The following ZNF419 variants were observed in gnomAD, a reference collection of about 807,000 sequenced individuals.
The protein encoded by ZNF419 is zinc finger protein 419, also known as zinc finger protein 419A.
In ZNF419, 8 loss-of-function variants were observed where a neutral mutation model predicts 14.9. That is an observed-to-expected ratio of 0.54 (90% CI 0.32 to 0.97). The LOEUF (loss-of-function observed/expected upper bound fraction) is 0.97, where lower values mean the gene tolerates loss of function less well. Among genes scored for constraint, ZNF419 ranks in the 50% least tolerant of loss-of-function variants. The pLI is 0.04. For missense variants in ZNF419, 595 were observed against 607.2 expected, an observed-to-expected ratio of 0.98 and a Z score of 0.21; for synonymous variants, 211 against 205.3, an observed-to-expected ratio of 1.03 and a Z score of -0.24.
In ZNF419 at chr19:57,493,651, A is replaced by T; in HGVS notation, c.1094A>T (p.His365Leu). The change falls in exon 5 of 5, where the codon CAT (histidine) becomes CTT (leucine). Residue 365 changes from histidine (H) to leucine (L), a missense_variant. Transcript: ENST00000221735. ...AACCTTATCAAACATTGGCGTGTTCATACTGGAGAAAGGCCTTACAAGTGC... is the reference window on the plus strand; with the variant it reads ...AACCTTATCAAACATTGGCGTGTTCTTACTGGAGAAAGGCCTTACAAGTGC... ...KSNLIKHWRV[H>L]TGERPYKCSD... The T allele has an allele frequency of 6.2e-7, 1 of 1,614,150 alleles. No homozygotes were observed.
At chr19:57,489,524 T>C (rs1283570956) in intron 1 of ZNF419, 3 of 151,362 alleles carry the variant, frequency 2.0e-5, no homozygotes, top group Non-Finnish European at 4.4e-5. Context: ...AGTTTCGCTT[T>C]TGTTGCCCAG....
chr19:57,491,298 T>C (rs2089474588), intron 2 of ZNF419, 173 bp from the exon 3 acceptor site: 3 of 933,078 alleles, frequency 3.2e-6, no homozygotes, highest in African/African-American at 1.6e-5. Flanking sequence ...TACCTGCCTA[T>C]TGTTGCTCAG....
At chr19:57,490,316 C>T in intron 2 of ZNF419, 131 bp downstream of exon 2, 1 of 748,214 alleles carries the variant, frequency 1.3e-6, no homozygotes, top group Non-Finnish European at 2.3e-6. Flanking sequence ...GGAAGATGGT[C>T]ACACACAGTC....
At chr19:57,492,453 G>A (rs771505789) in intron 4 of ZNF419, 2 of 769,740 alleles carry the variant, frequency 2.6e-6, no homozygotes, top group South Asian at 2.7e-5. Context: ...TGAATGTGTG[G>A]TGAGGTGGAT....
chr19:57,487,935 C>A lies in ZNF419; in HGVS notation c.-16C>A. On this transcript the variant is annotated 5_prime_UTR_variant, in exon 1 of 5. Coordinates refer to ENST00000221735, the MANE Select transcript of ZNF419 (RefSeq NM_024691.4). ...CTCGGTCATTGTCTCCCCTCCAGCT[C>A]TACTCACAGGCTCCGATGGCGGCGG... 1 of 1,613,352 alleles carries A rather than the reference C, an allele frequency of 6.2e-7. No individual in the cohort carries two copies. Among genetic ancestry groups the A allele is most frequent in the Non-Finnish European group, 8.5e-7 (1 of 1,179,900 alleles).
At chr19:57,489,484 C>CTTTTTTTTTTTTTTTTT (rs10602834) in intron 1 of ZNF419, 4 of 85,398 alleles carry the variant, frequency 4.7e-5, no homozygotes, top group Non-Finnish European at 6.8e-5. Flanking sequence ...TTCTTTCTTT[C>CTTTTTTTTTTTTTTTTT]TTTTTTTTTT....
chr19:57,494,270 C>T lies in ZNF419; in HGVS notation c.*180C>T. The T allele has an allele frequency of 1.0e-6, 1 of 969,566 alleles. No homozygotes were observed. The highest frequency in any genetic ancestry group is 1.5e-6 in the Non-Finnish European group (1 of 681,472). 60.1% of individuals were successfully genotyped at this position (969,566 alleles called of 1,614,324 possible). On this transcript the variant is annotated 3_prime_UTR_variant, in exon 5 of 5. Coordinates refer to ENST00000221735, the MANE Select transcript of ZNF419 (RefSeq NM_024691.4). ...ATGGAAAAAGGTTTCAGCCAAAGGC[C>T]TAACCCTATTCAACACCAGAAAGTT...
In ZNF419 at chr19:57,487,938, C is replaced by A; in HGVS notation, c.-13C>A. ...GGTCATTGTCTCCCCTCCAGCTCTA[C>A]TCACAGGCTCCGATGGCGGCGGCCG... On this transcript the variant is annotated 5_prime_UTR_variant, in exon 1 of 5. Transcript: ENST00000221735. 6.2e-7 allele frequency: 1 copy of A among 1,613,376 alleles called. No individual in the cohort carries two copies. Among genetic ancestry groups the A allele is most frequent in the Non-Finnish European group, 8.5e-7 (1 of 1,179,898 alleles).
chr19:57,489,480 C>CTTT (rs2089432674), intron 1 of ZNF419: 1 of 117,618 alleles, frequency 8.5e-6, no homozygotes, highest in African/African-American at 3.2e-5. Flanking sequence ...TTCTTTCTTT[C>CTTT]TTTCTTTTTT....
rs906133383 is a variant in ZNF419 at position 57,488,070 on chromosome 19, G to A, written c.33+87G>A. The A allele has an allele frequency of 1.8e-5, 28 of 1,568,112 alleles. No homozygotes were observed. The Admixed American group carries it at 2.1e-4, about 12-fold the overall frequency. ...AGGTCCCCGGGTGCAGAACTGTGGG[G>A]CGTTCGTGCGCGGCGTCCCGTTTCT... On this transcript the variant is annotated intron_variant, in intron 1 of 4. Coordinates refer to ENST00000221735, the MANE Select transcript of ZNF419 (RefSeq NM_024691.4).
Position 57,487,932 on chromosome 19 carries a change from G to C in ZNF419, c.-19G>C, listed in dbSNP as rs1195590098. On this transcript the variant is annotated 5_prime_UTR_variant, in exon 1 of 5. Transcript: ENST00000221735. ...TTCCTCGGTCATTGTCTCCCCTCCA[G>C]CTCTACTCACAGGCTCCGATGGCGG... 2.5e-6 allele frequency: 4 copies of C among 1,613,666 alleles called. No homozygotes were observed. The highest frequency in any genetic ancestry group is 3.3e-5 in the Admixed American group (2 of 59,998).
intron 1 of ZNF419, 69 bp from the exon 2 acceptor site, chr19:57,490,078 A>G: frequency 1.4e-6 from 2 of 1,470,032 alleles, no homozygotes; most frequent in East Asian, 2.3e-5. Flanking sequence ...ACTCCAGGCT[A>G]GACGAGTGGG....
At chr19:57,492,737 CTT>C (rs1351142834) in intron 4 of ZNF419, 117 bp from the exon 5 acceptor site, 1 of 1,378,230 alleles carries the variant, frequency 7.3e-7, no homozygotes, top group East Asian at 2.3e-5. Flanking sequence ...AGCTAGCCCT[CTT>C]TATTTCTGCT....
At chr19:57,490,019 G>C in intron 1 of ZNF419, 128 bp from the exon 2 acceptor site, 1 of 786,576 alleles carries the variant, frequency 1.3e-6, no homozygotes, top group Non-Finnish European at 2.2e-6. Flanking sequence ...ACAGGTAAGA[G>C]GCATCACTAA....
rs1173874528 is a variant in ZNF419, at chr19:57,495,914, G to A, written c.*1824G>A. On this transcript the variant is annotated 3_prime_UTR_variant, in exon 5 of 5. Transcript: ENST00000221735. ...CCTATCTTTACTGAGAGCCTAGCAAGCCATGGCATTCCAGTAGTTTTGAGC... is the reference window on the plus strand; with the variant it reads ...CCTATCTTTACTGAGAGCCTAGCAAACCATGGCATTCCAGTAGTTTTGAGC... 2 of 152,030 alleles carry A rather than the reference G, an allele frequency of 1.3e-5. No homozygotes were observed. The highest frequency in any genetic ancestry group is 6.6e-5 in the Admixed American group (1 of 15,266). The allele number at this position is 152,030 out of a possible 1,614,324, so 9.4% of individuals were successfully genotyped here.
chr19:57,489,757 T>G (rs373823911), intron 1 of ZNF419: 63 of 174,906 alleles, frequency 3.6e-4, no homozygotes, highest in African/African-American at 1.4e-3. Flanking sequence ...CCCAAAGCAT[T>G]GGGATTACAG....
chr19:57,493,926 T>C lies in ZNF419; in HGVS notation c.1369T>C (p.Cys457Arg). ...KVHIGEKPFKCNECGRLFREN... is the reference protein window; with the variant it reads ...KVHIGEKPFKRNECGRLFREN... Reference sequence around the variant, plus strand: ...TCACATTGGAGAAAAGCCTTTTAAGTGCAATGAATGTGGGAGATTGTTTAG... The same window carrying C: ...TCACATTGGAGAAAAGCCTTTTAAGCGCAATGAATGTGGGAGATTGTTTAG... Residue 457 changes from cysteine to arginine, a missense_variant, in exon 5 of 5, where the codon TGC becomes CGC. Cys to Arg is a radical substitution (Grantham distance 180). Transcript: ENST00000221735. The C allele has an allele frequency of 6.2e-7, 1 of 1,614,002 alleles. No homozygotes were observed. Among genetic ancestry groups the C allele is most frequent in the Non-Finnish European group, 8.5e-7 (1 of 1,180,006 alleles).
chr19:57,489,314 C>T (rs1600131237), intron 1 of ZNF419: 1 of 152,140 alleles, frequency 6.6e-6, no homozygotes, highest in East Asian at 1.9e-4. Flanking sequence ...CACACAGGGG[C>T]AAATAAAACA....
rs895599533 is a variant in ZNF419 at position 57,493,639 on chromosome 19, A to G, written c.1082A>G (p.His361Arg). The change falls in exon 5 of 5, where the codon CAT becomes CGT. Residue 361 changes from histidine (H) to arginine (R), a missense_variant. Transcript: ENST00000221735. ...AGCCACAAGTCCAACCTTATCAAACATTGGCGTGTTCATACTGGAGAAAGG... is the reference window on the plus strand; with the variant it reads ...AGCCACAAGTCCAACCTTATCAAACGTTGGCGTGTTCATACTGGAGAAAGG... ...FYSHKSNLIKHWRVHTGERPY... is the reference protein window; with the variant it reads ...FYSHKSNLIKRWRVHTGERPY... 14 of 1,614,010 alleles carry G rather than the reference A, an allele frequency of 8.7e-6. No homozygotes were observed. Among genetic ancestry groups the G allele is most frequent in the Non-Finnish European group, 1.1e-5 (13 of 1,179,956 alleles).
Sources: gnomAD v4.1 joint callset for allele counts on GRCh38, gnomAD v4.1.1 for gene constraint, MANE v1.5 for transcripts, NCBI Gene and HGNC (gene_info 2026-07-23, HGNC 2026-07-21) for gene names.